Variants in CNOT1 observed in about 807,000 individuals in gnomAD.
CNOT1 encodes CCR4-NOT transcription complex subunit 1, also known as CCR4-associated factor 1.
Under a neutral mutation model 273.8 loss-of-function variants are expected in CNOT1, and 15 were observed. The observed-to-expected ratio is 0.05, with a 90% CI of 0.04 to 0.08. The LOEUF is 0.08. Ranked by LOEUF, CNOT1 falls within the 10% of genes least tolerant of loss-of-function variation. The probability of loss-of-function intolerance (pLI) is 1.00; values close to 1 mark genes in which losing one functional copy is unlikely to be tolerated. For synonymous variants in CNOT1, 1,022 were observed against 1,005.5 expected, an observed-to-expected ratio of 1.02 and a Z score of -0.31; for missense variants, 1,644 against 2,912.2, an observed-to-expected ratio of 0.56 and a Z score of 10.02.
intron 1 of CNOT1, among the ~76,000 whole-genome samples, chr16:58,601,239 A>G (rs2042450882): frequency 6.6e-6 from 1 of 152,172 alleles, no homozygotes; most frequent in South Asian, 2.1e-4. Flanking sequence ...TACAAGCATG[A>G]GCCATGGAGC....
chr16:58,621,017 C>CT (rs34890706), intron 1 of CNOT1, among the ~76,000 whole-genome samples: 3 of 150,606 alleles, frequency 2.0e-5, no homozygotes, highest in Non-Finnish European at 1.5e-5. Flanking sequence ...AAAAAGATAA[C>CT]TTTTTTTTTT....
Position 58,543,637 on chromosome 16 carries a change from G to C in CNOT1, c.4404C>G (p.Asn1468Lys), listed in dbSNP as rs1169755492. 1 of 1,614,160 alleles carries C rather than the reference G, an allele frequency of 6.2e-7. No homozygotes were observed. Among genetic ancestry groups the C allele is most frequent in the South Asian group, 1.1e-5 (1 of 91,082 alleles). ...GGGCTGAGGCAAAACTGTTTTTTAA[G>C]TTGGTAGATATGCTCATGAGCAAAG... ...REPLLMSIST[N>K]LKNSFASALR... The change falls in exon 31 of 49, where the codon AAC becomes AAG. Residue 1468 changes from asparagine (N) to lysine (K), a missense_variant. Around this residue, in one of 13 missense-constraint regions of CNOT1, gnomAD observed 133 missense variants for 230.4 expected, o/e 0.58. Coordinates refer to ENST00000317147, the MANE Select transcript of CNOT1 (RefSeq NM_016284.5).
intron 8 of CNOT1, among the ~76,000 whole-genome samples, chr16:58,584,290 T>C (rs1259103670): frequency 1.3e-5 from 2 of 152,224 alleles, no homozygotes; most frequent in African/African-American, 4.8e-5. Context: ...TTTATTATTC[T>C]GATATGTACA....
At chr16:58,557,922 G>A (rs1018057578) in intron 18 of CNOT1, among the ~76,000 whole-genome samples, 8 of 152,156 alleles carry the variant, frequency 5.3e-5, no homozygotes, top group East Asian at 1.9e-4. Flanking sequence ...CCTGGGAGGC[G>A]GAGGTTGCAG....
rs377430720 is a variant in CNOT1, at chr16:58,625,658, T to C, written c.-175+4070A>G. Reference sequence around the variant, plus strand: ...AAGATCATACCACTGCACTCCAGCCTGAGGGAGAAGAGCAAAACTCTCTCT... The same window carrying C: ...AAGATCATACCACTGCACTCCAGCCCGAGGGAGAAGAGCAAAACTCTCTCT... On this transcript the variant is annotated intron_variant, in intron 1 of 48. Coordinates refer to ENST00000317147, the MANE Select transcript of CNOT1 (RefSeq NM_016284.5). Among the ~76,000 whole-genome samples the C allele has an allele frequency of 3.4e-4, 52 of 151,612 alleles. No homozygotes were observed. The South Asian group carries it at 0.011, about 32-fold the overall frequency.
intron 1 of CNOT1, among the ~76,000 whole-genome samples, chr16:58,622,902 T>C (rs62065260): frequency 6.6e-6 from 1 of 151,202 alleles, no homozygotes; most frequent in Non-Finnish European, 1.5e-5. Flanking sequence ...GATAGCGTCT[T>C]TGAAAATCCT....
chr16:58,545,284 G>T, intron 30 of CNOT1, 77 bp downstream of exon 30: 2 of 1,577,134 alleles, frequency 1.3e-6, no homozygotes, highest in South Asian at 2.4e-5. Flanking sequence ...AGGGCAAAGA[G>T]CTGAAGAAAA....
chr16:58,599,822 T>C (rs948265366), intron 1 of CNOT1, among the ~76,000 whole-genome samples: 2 of 152,112 alleles, frequency 1.3e-5, no homozygotes, highest in African/African-American at 4.8e-5. Flanking sequence ...CCCCAGCACT[T>C]TGCGAGGCCG....
intron 16 of CNOT1, among the ~76,000 whole-genome samples, chr16:58,572,299 T>C (rs975778836): frequency 2.7e-5 from 4 of 150,056 alleles, no homozygotes; most frequent in Middle Eastern, 3.5e-3. Context: ...AAAAAAAAAA[T>C]TGAATACTTC....
chr16:58,562,651 G>C (rs1427984000), intron 16 of CNOT1, among the ~76,000 whole-genome samples: 1 of 151,344 alleles, frequency 6.6e-6, no homozygotes, highest in Admixed American at 6.6e-5. Flanking sequence ...GTGAAATCCC[G>C]TCTCTACTAA....
intron 12 of CNOT1, among the ~76,000 whole-genome samples, chr16:58,579,651 T>C (rs2041585885): frequency 6.6e-6 from 1 of 152,082 alleles, no homozygotes; most frequent in African/African-American, 2.4e-5. Flanking sequence ...AAATGTGTTC[T>C]GGGAGGGTAT....
intron 1 of CNOT1, among the ~76,000 whole-genome samples, chr16:58,617,336 G>A (rs898649576): frequency 4.6e-5 from 7 of 151,648 alleles, no homozygotes; most frequent in Non-Finnish European, 1.0e-4. Flanking sequence ...ACTCCAACCC[G>A]GGCAACAGAG....
chr16:58,567,396 G>A (rs2041085746), intron 16 of CNOT1, among the ~76,000 whole-genome samples: 1 of 151,910 alleles, frequency 6.6e-6, no homozygotes, highest in Non-Finnish European at 1.5e-5. Flanking sequence ...GCCAAGGCAG[G>A]AGGAGTGCCT....
intron 16 of CNOT1, among the ~76,000 whole-genome samples, chr16:58,566,162 C>A (rs1015350460): frequency 6.6e-6 from 1 of 152,056 alleles, no homozygotes; most frequent in East Asian, 1.9e-4. Context: ...GTTGTTTTCC[C>A]CCTTTGTAAT....
chr16:58,523,603 A>G lies in CNOT1; in HGVS notation c.6785-101T>C, dbSNP rs2039482610. The G allele has an allele frequency of 9.1e-6, 10 of 1,094,940 alleles. No homozygotes were observed. The East Asian group carries it at 2.2e-4, about 24-fold the overall frequency. The allele number at this position is 1,094,940 out of a possible 1,614,324, so 67.8% of individuals were successfully genotyped here. On this transcript the variant is annotated intron_variant, in intron 46 of 48. Coordinates refer to ENST00000317147, the MANE Select transcript of CNOT1 (RefSeq NM_016284.5). ...TTTGGGTTTCTGACAGAGGCTTTCA[A>G]ATTAATCTTTGGTTTAAAGCAGTGG...
intron 1 of CNOT1, among the ~76,000 whole-genome samples, chr16:58,600,826 C>T (rs1282490474): frequency 6.6e-6 from 1 of 152,196 alleles, no homozygotes; most frequent in African/African-American, 2.4e-5. Flanking sequence ...TGTGCAGTGG[C>T]TCATGCCAAA....
intron 39 of CNOT1, among the ~76,000 whole-genome samples, chr16:58,536,085 A>G (rs2039922847): frequency 1.3e-5 from 2 of 152,196 alleles, no homozygotes; most frequent in South Asian, 4.1e-4. Flanking sequence ...CAGTTCTTCC[A>G]CATTCAATTG....
chr16:58,533,932 C>T (rs1006159163), intron 40 of CNOT1, among the ~76,000 whole-genome samples: 6 of 152,008 alleles, frequency 3.9e-5, no homozygotes, highest in African/African-American at 1.4e-4. Flanking sequence ...AAGTTTGAGA[C>T]CAGCTTGGGC....
At chr16:58,617,593 G>T (rs930191330) in intron 1 of CNOT1, among the ~76,000 whole-genome samples, 1 of 152,136 alleles carries the variant, frequency 6.6e-6, no homozygotes, top group Non-Finnish European at 1.5e-5. Context: ...TAAGATAAGC[G>T]ATATTCAACC....
Sources: gnomAD v4.1 joint callset for allele counts (sites outside exome capture counted in the v4.1 genomes callset) on GRCh38, gnomAD v4.1.1 for gene constraint, gnomAD v4.1.1 regional missense constraint, MANE v1.5 for transcripts, NCBI Gene and HGNC (gene_info 2026-07-23, HGNC 2026-07-21) for gene names.